The following SMARCA2 variants were observed in gnomAD, a reference collection of about 807,000 sequenced individuals.
SMARCA2 encodes SWI/SNF related BAF chromatin remodeling complex subunit ATPase 2, also known as SWI/SNF-related matrix-associated actin-dependent regulator of chromatin subfamily A member 2.
A neutral mutation model predicts 199.8 loss-of-function variants in SMARCA2; 61 were observed. The observed-to-expected ratio is 0.31, with a 90% CI of 0.25 to 0.38. SMARCA2 has a LOEUF of 0.38. SMARCA2 is among the 10% of genes least tolerant of loss of function. The pLI, the probability that SMARCA2 is intolerant of heterozygous loss-of-function variation, is 1.00. For missense variants in SMARCA2, 1,344 were observed against 2,012.2 expected, an observed-to-expected ratio of 0.67 and a Z score of 6.35; for synonymous variants, 935 against 732.0, an observed-to-expected ratio of 1.28 and a Z score of -4.48.
chr9:2,075,245 A>G (rs1233793143), intron 12 of SMARCA2: 2 of 152,550 alleles, frequency 1.3e-5, no homozygotes. Flanking sequence ...CTTCTAAATG[A>G]TCTGCTATCA....
At chr9:2,033,598 T>C (rs1819170056) in intron 3 of SMARCA2, among the ~76,000 whole-genome samples, 1 of 152,244 alleles carries the variant, frequency 6.6e-6, no homozygotes. Context: ...TTATGTGTCA[T>C]TTCTGGTGGG....
rs181713660 is a variant in SMARCA2 at position 2,128,540 on chromosome 9, G to C, written c.3981+4603G>C. On this transcript the variant is annotated intron_variant, in intron 27 of 33. Coordinates refer to ENST00000349721, the MANE Select transcript of SMARCA2 (RefSeq NM_003070.5). ...TGGCCCCTTCCTCAGCAGTTGCTAA[G>C]TCAGCACCAGGGGTTGTCAAACCTG... is the stretch of plus-strand genomic sequence containing the variant. 3.3e-5 allele frequency among the ~76,000 whole-genome samples: 5 copies of C among 152,376 alleles called. No individual in the cohort carries two copies. In the East Asian group the frequency reaches 9.6e-4, roughly 29 times the overall value.
At chr9:2,065,171 C>T (rs994277012) in intron 9 of SMARCA2, among the ~76,000 whole-genome samples, 4 of 152,000 alleles carry the variant, frequency 2.6e-5, no homozygotes, top group African/African-American at 7.2e-5. Flanking sequence ...GGCGACAGAG[C>T]GAGACTCTGT....
chr9:2,076,400 AT>A, intron 13 of SMARCA2, 71 bp downstream of exon 13: 1 of 1,038,736 alleles, frequency 9.6e-7, no homozygotes, highest in South Asian at 1.3e-5. Flanking sequence ...CTTTTAGGAA[AT>A]TTTGTTCAAG....
At chr9:2,126,547 T>C (rs1364579717) in intron 27 of SMARCA2, among the ~76,000 whole-genome samples, 1 of 152,248 alleles carries the variant, frequency 6.6e-6, no homozygotes, top group Non-Finnish European at 1.5e-5. Context: ...TGTGAAGAGA[T>C]GTTCTCTACT....
chr9:2,189,124 C>A (rs553049758), intron 32 of SMARCA2, among the ~76,000 whole-genome samples: 1 of 152,194 alleles, frequency 6.6e-6, no homozygotes, highest in African/African-American at 2.4e-5. Flanking sequence ...TCTAAAATTC[C>A]TTTTGCCATG....
At chr9:2,048,193 G>A (rs901231557) in intron 5 of SMARCA2, among the ~76,000 whole-genome samples, 1 of 152,156 alleles carries the variant, frequency 6.6e-6, no homozygotes, top group African/African-American at 2.4e-5. Flanking sequence ...TGGCCTGCAG[G>A]CTGTGTTTAC....
intron 1 of SMARCA2, among the ~76,000 whole-genome samples, chr9:2,023,508 T>C (rs886673080): frequency 1.3e-5 from 2 of 152,226 alleles, no homozygotes; most frequent in African/African-American, 2.4e-5. Context: ...TTCTAGGGTC[T>C]TGATGGAGCA....
intron 2 of SMARCA2, among the ~76,000 whole-genome samples, chr9:2,032,132 A>T (rs1193223803): frequency 6.6e-6 from 1 of 152,168 alleles, no homozygotes; most frequent in Non-Finnish European, 1.5e-5. Flanking sequence ...TTCTTGCTTG[A>T]AGTCATTTGG....
intron 30 of SMARCA2, 107 bp from the exon 31 acceptor site, chr9:2,182,034 T>C: frequency 1.2e-6 from 1 of 812,646 alleles, no homozygotes. Flanking sequence ...CTGGCAGGGC[T>C]TTATGCTGTG....
At chr9:2,029,376 A>C in intron 2 of SMARCA2, 129 bp downstream of exon 2, 3 of 1,294,430 alleles carry the variant, frequency 2.3e-6, no homozygotes, top group East Asian at 2.5e-5. Flanking sequence ...TGTATATCTC[A>C]TATATTATTA....
In SMARCA2 at chr9:2,086,725, T is replaced by C; in HGVS notation, c.2527-104T>C. 1 of 1,263,532 alleles carries C rather than the reference T, an allele frequency of 7.9e-7. No homozygotes were observed. The highest frequency in any genetic ancestry group is 1.1e-6 in the Non-Finnish European group (1 of 889,900). 78.3% of individuals were successfully genotyped at this position (1,263,532 alleles called of 1,614,324 possible). A position where few individuals can be genotyped will look rare whatever the true frequency, so the allele number is the denominator to read the frequency against. On this transcript the variant is annotated intron_variant, in intron 17 of 33. Coordinates refer to ENST00000349721, the MANE Select transcript of SMARCA2 (RefSeq NM_003070.5). The surrounding 1 kb of genome is among the most constrained non-coding windows in gnomAD (Gnocchi z 4.3). ...TCAAAGGTAATCACAGCATATCATA[T>C]ACCAAGGATGGGTTCTTTGGTTTTC...
intron 23 of SMARCA2, among the ~76,000 whole-genome samples, chr9:2,109,664 C>G (rs1035658246): frequency 1.3e-5 from 2 of 151,898 alleles, no homozygotes; most frequent in Non-Finnish European, 2.9e-5. Context: ...GGCTTTAAGT[C>G]TTGCTAACAA....
intron 9 of SMARCA2, chr9:2,069,116 C>G (rs1326911133): frequency 1.4e-5 from 2 of 148,002 alleles, no homozygotes; most frequent in African/African-American, 2.5e-5. Flanking sequence ...CAGGGTTTCA[C>G]CGTGTTAGCC....
intron 4 of SMARCA2, chr9:2,040,209 A>C (rs1467234002): frequency 3.5e-6 from 2 of 574,246 alleles, no homozygotes; most frequent in South Asian, 4.9e-5. Flanking sequence ...CCACACACAC[A>C]AGGTTAAGAA....
chr9:2,187,947 A>G (rs1827596825), intron 32 of SMARCA2, among the ~76,000 whole-genome samples: 2 of 152,130 alleles, frequency 1.3e-5, no homozygotes, highest in Admixed American at 1.3e-4. Context: ...CTATGTTTTT[A>G]TAAACAAATT....
chr9:2,176,182 GTTT>G (rs56186732), intron 29 of SMARCA2, among the ~76,000 whole-genome samples: 2,832 of 104,118 alleles, frequency 0.027, 67 homozygotes, highest in African/African-American at 0.084. Context: ...CGCCCGGCCT[GTTT>G]TTTTTTTTTT....
intron 1 of SMARCA2, among the ~76,000 whole-genome samples, chr9:2,019,023 C>CT (rs1818485527): frequency 6.6e-6 from 1 of 152,038 alleles, no homozygotes; most frequent in South Asian, 2.1e-4. Context: ...TTCTCTTGGA[C>CT]TTTCTTTCTT....
At chr9:2,154,634 G>C (rs1408364723) in intron 27 of SMARCA2, among the ~76,000 whole-genome samples, 1 of 152,180 alleles carries the variant, frequency 6.6e-6, no homozygotes, top group Non-Finnish European at 1.5e-5. Flanking sequence ...CTATCCCAGG[G>C]AAGCCCAGGA....
Sources: gnomAD v4.1 joint callset for allele counts (sites outside exome capture counted in the v4.1 genomes callset) on GRCh38, gnomAD v4.1.1 for gene constraint, Gnocchi (gnomAD v3.1) non-coding constraint, MANE v1.5 for transcripts, NCBI Gene and HGNC (gene_info 2026-07-23, HGNC 2026-07-21) for gene names.